The following PCSK2 variants were observed in gnomAD, a reference collection of about 807,000 sequenced individuals.
PCSK2 encodes the protein neuroendocrine convertase 2.
In PCSK2, 14 loss-of-function variants were observed where a neutral mutation model predicts 69.7. That is an observed-to-expected ratio of 0.20 (90% CI 0.13 to 0.31). The LOEUF is 0.31. PCSK2 is among the 10% of genes least tolerant of loss of function. The probability of loss-of-function intolerance (pLI) is 1.00; values close to 1 mark genes in which losing one functional copy is unlikely to be tolerated. For missense variants in PCSK2, 544 were observed against 842.5 expected (o/e 0.65, Z 4.39); for synonymous variants, 307 against 320.7 (o/e 0.96, Z 0.46).
At chr20:17,433,872 T>A (rs1258161571) in intron 7 of PCSK2, among the ~76,000 whole-genome samples, 1 of 73,638 alleles carries the variant, frequency 1.4e-5, no homozygotes. Flanking sequence ...CTCTCTCTCT[T>A]CCTCCCCTCC....
At chr20:17,310,164 G>A (rs1253689332) in intron 2 of PCSK2, among the ~76,000 whole-genome samples, 1 of 152,090 alleles carries the variant, frequency 6.6e-6, no homozygotes, top group Non-Finnish European at 1.5e-5. Context: ...TCATGACAAT[G>A]GCACCAAGGA....
In PCSK2 at chr20:17,345,375, C is replaced by G. The variant is rs568806623; in HGVS notation, c.283-12952C>G. On this transcript the variant is annotated intron_variant, in intron 2 of 11. Coordinates refer to ENST00000262545, the MANE Select transcript of PCSK2 (RefSeq NM_002594.5). Reference sequence around the variant, plus strand: ...ATTTCATGTCATCCTCACCAATAAGCCTGTGAGGTCAAGAATTCCATCATG... The same window carrying G: ...ATTTCATGTCATCCTCACCAATAAGGCTGTGAGGTCAAGAATTCCATCATG... Among the ~76,000 whole-genome samples, 52 of 152,280 alleles carry G rather than the reference C, an allele frequency of 3.4e-4. 1 individual carries two copies. Among genetic ancestry groups the G allele is most frequent in the Middle Eastern group, 3.4e-3 (1 of 292 alleles).
intron 6 of PCSK2, among the ~76,000 whole-genome samples, chr20:17,420,978 T>C (rs185205672): frequency 2.0e-5 from 3 of 152,306 alleles, no homozygotes; most frequent in Admixed American, 6.5e-5. Flanking sequence ...AGTCAAAGAT[T>C]ATTCAACGAC....
intron 4 of PCSK2, among the ~76,000 whole-genome samples, chr20:17,368,639 C>T (rs911562973): frequency 1.3e-5 from 2 of 152,150 alleles, no homozygotes; most frequent in African/African-American, 4.8e-5. Flanking sequence ...ACCCTTGGAA[C>T]GACTACTGGG....
chr20:17,261,624 G>A (rs1987390164), intron 2 of PCSK2, among the ~76,000 whole-genome samples: 1 of 152,184 alleles, frequency 6.6e-6, no homozygotes, highest in Admixed American at 6.5e-5. Flanking sequence ...CAAGACCTAA[G>A]GGAGAAGCTC....
At chr20:17,450,090 C>T (rs1214549799) in intron 8 of PCSK2, among the ~76,000 whole-genome samples, 3 of 128,806 alleles carry the variant, frequency 2.3e-5, no homozygotes, top group South Asian at 2.5e-4. Context: ...TGCAGTGGCG[C>T]GATCTCGGCT....
intron 2 of PCSK2, among the ~76,000 whole-genome samples, chr20:17,261,396 T>C (rs1215506269): frequency 2.6e-5 from 4 of 152,190 alleles, no homozygotes; most frequent in Non-Finnish European, 4.4e-5. Context: ...AATTTGGGCT[T>C]CAATTAGGAA....
chr20:17,395,782 G>A (rs1451075722), intron 5 of PCSK2, among the ~76,000 whole-genome samples: 3 of 152,188 alleles, frequency 2.0e-5, no homozygotes, highest in Non-Finnish European at 4.4e-5. Flanking sequence ...CATCTAAGAT[G>A]TGTTTTAGAC....
chr20:17,359,936 G>C (rs1336838565), intron 3 of PCSK2, among the ~76,000 whole-genome samples: 2 of 152,112 alleles, frequency 1.3e-5, no homozygotes, highest in African/African-American at 4.8e-5. Context: ...CCAGGATGAG[G>C]GGCCTTAGGA....
chr20:17,396,764 G>A (rs543172930), intron 5 of PCSK2, among the ~76,000 whole-genome samples: 31 of 152,190 alleles, frequency 2.0e-4, no homozygotes, highest in Admixed American at 2.0e-4. Flanking sequence ...CTACAGGTGC[G>A]TACCACCATG....
intron 2 of PCSK2, among the ~76,000 whole-genome samples, chr20:17,299,753 G>A (rs1989015005): frequency 1.3e-5 from 2 of 152,176 alleles, no homozygotes; most frequent in African/African-American, 4.8e-5. Flanking sequence ...TTCTTCTGGT[G>A]CAGGGGTTTT....
intron 5 of PCSK2, among the ~76,000 whole-genome samples, chr20:17,379,642 C>T (rs2031032069): frequency 6.6e-6 from 1 of 152,186 alleles, no homozygotes; most frequent in Non-Finnish European, 1.5e-5. Flanking sequence ...GATTTCCACC[C>T]TCTGCTGTAA....
chr20:17,397,747 G>A (rs543324852), intron 5 of PCSK2, among the ~76,000 whole-genome samples: 2 of 152,268 alleles, frequency 1.3e-5, no homozygotes, highest in Admixed American at 6.5e-5. Context: ...AAAGTGCTGG[G>A]ATTACAAGTG....
chr20:17,286,669 T>C (rs1988520254), intron 2 of PCSK2, among the ~76,000 whole-genome samples: 1 of 152,218 alleles, frequency 6.6e-6, no homozygotes, highest in Non-Finnish European at 1.5e-5. Flanking sequence ...CGTTTATATA[T>C]AAATCCTGGT....
At chr20:17,258,761 AGT>A (rs11467589) in intron 1 of PCSK2, among the ~76,000 whole-genome samples, 12,013 of 144,974 alleles carry the variant, frequency 0.083, 525 homozygotes, top group Middle Eastern at 0.19. Flanking sequence ...CATAATATGT[AGT>A]GTGTGTGTGT....
chr20:17,338,475 G>A (rs998429279), intron 2 of PCSK2, among the ~76,000 whole-genome samples: 93 of 152,112 alleles, frequency 6.1e-4, no homozygotes, highest in Admixed American at 4.3e-3. Context: ...GATTACCAGT[G>A]TGAGCCACCG....
At chr20:17,356,568 T>G (rs1210424) in intron 2 of PCSK2, among the ~76,000 whole-genome samples, 1 of 152,144 alleles carries the variant, frequency 6.6e-6, no homozygotes, top group Non-Finnish European at 1.5e-5. Context: ...CTCTTCCTGC[T>G]GTCATTCTCG....
At chr20:17,477,305 T>A (rs1217235960) in intron 11 of PCSK2, among the ~76,000 whole-genome samples, 1 of 151,512 alleles carries the variant, frequency 6.6e-6, no homozygotes, top group Admixed American at 6.6e-5. Context: ...CCAAGCATTG[T>A]GCCTGGTATT....
intron 5 of PCSK2, among the ~76,000 whole-genome samples, chr20:17,381,356 G>A (rs16999053): frequency 0.022 from 3,293 of 152,274 alleles, 45 homozygotes; most frequent in Admixed American, 0.043. Flanking sequence ...GCTCTGCTAG[G>A]CAGAAGAATA....
Sources: gnomAD v4.1 joint callset for allele counts (sites outside exome capture counted in the v4.1 genomes callset) on GRCh38, gnomAD v4.1.1 for gene constraint, MANE v1.5 for transcripts, NCBI Gene and HGNC (gene_info 2026-07-23, HGNC 2026-07-21) for gene names.